MAN1A2: variants seen among roughly 807,000 people sequenced by gnomAD.
MAN1A2 encodes the protein mannosyl-oligosaccharide 1,2-alpha-mannosidase IB.
In MAN1A2, 26 loss-of-function variants were observed where a neutral mutation model predicts 75.7. The observed-to-expected ratio is 0.34, with a 90% confidence interval of 0.25 to 0.48. The LOEUF (loss-of-function observed/expected upper bound fraction) is 0.48, where lower values mean the gene tolerates loss of function less well. Among genes scored for constraint, MAN1A2 ranks in the 20% least tolerant of loss-of-function variants. The pLI, the probability that MAN1A2 is intolerant of heterozygous loss-of-function variation, is 0.99. For missense variants in MAN1A2, 562 were observed against 775.5 expected (o/e 0.72, Z 3.27); for synonymous variants, 247 against 264.6 (o/e 0.93, Z 0.65).
intron 12 of MAN1A2, among the ~76,000 whole-genome samples, chr1:117,507,771 CTTGA>C (rs1202060826): frequency 6.6e-6 from 1 of 151,574 alleles, no homozygotes; most frequent in Non-Finnish European, 1.5e-5. Context: ...TGGTTGGAGT[CTTGA>C]TTGTTTTGTA....
chr1:117,432,528 GACAAA>G (rs1557948464), intron 5 of MAN1A2, among the ~76,000 whole-genome samples: 1 of 152,080 alleles, frequency 6.6e-6, no homozygotes, highest in Non-Finnish European at 1.5e-5. Flanking sequence ...TAATAACATA[GACAAA>G]ACAAATTTTC....
At chr1:117,479,456 A>G (rs915392887) in intron 8 of MAN1A2, among the ~76,000 whole-genome samples, 2 of 151,934 alleles carry the variant, frequency 1.3e-5, no homozygotes, top group Non-Finnish European at 2.9e-5. Context: ...CTTTGGGTAT[A>G]TATCCAGTAA....
intron 1 of MAN1A2, among the ~76,000 whole-genome samples, chr1:117,383,831 C>T (rs570326779): frequency 6.6e-6 from 1 of 152,128 alleles, no homozygotes; most frequent in East Asian, 1.9e-4. Flanking sequence ...TCATGGTGCA[C>T]TGCAACCTTG....
Position 117,411,785 on chromosome 1 carries a change from C to T in MAN1A2, c.656-2928C>T, listed in dbSNP as rs550465107. On this transcript the variant is annotated intron_variant, in intron 3 of 12. Coordinates refer to ENST00000356554, the MANE Select transcript of MAN1A2 (RefSeq NM_006699.5). ...CACACCACAATGGAATATTTCTACA[C>T]ACCCATTAACATGTCTAAAATTTGA... Among the ~76,000 whole-genome samples the T allele has an allele frequency of 5.4e-4, 82 of 151,866 alleles. 2 individuals carry two copies. The highest frequency in any genetic ancestry group is 3.9e-4 in the East Asian group (2 of 5,182).
Position 117,368,419 on chromosome 1 carries a change from A to C in MAN1A2, c.236A>C (p.Asp79Ala). ...GAAGATGTGTTAATTCCACATGTAGATGCCGGTAAAGGGGCTAAAAACCCC... is the reference window on the plus strand; with the variant it reads ...GAAGATGTGTTAATTCCACATGTAGCTGCCGGTAAAGGGGCTAAAAACCCC... ...GLEDVLIPHV[D>A]AGKGAKNPGV... The change falls in exon 1 of 13, where the codon GAT (aspartate) becomes GCT (alanine). Residue 79 changes from aspartate to alanine, a missense_variant. Coordinates refer to ENST00000356554, the MANE Select transcript of MAN1A2 (RefSeq NM_006699.5). The C allele has an allele frequency of 6.2e-7, 1 of 1,614,108 alleles. No homozygotes were observed. The highest frequency in any genetic ancestry group is 8.5e-7 in the Non-Finnish European group (1 of 1,180,024).
chr1:117,518,380 A>G (rs1389125628), intron 12 of MAN1A2, among the ~76,000 whole-genome samples: 1 of 152,056 alleles, frequency 6.6e-6, no homozygotes, highest in East Asian at 1.9e-4. Flanking sequence ...TGGTAACAGA[A>G]AGGGATGTAG....
rs41299569 is a variant in MAN1A2, at chr1:117,525,252, C to T, written c.*2295C>T. The T allele has an allele frequency of 2.4e-6, 1 of 413,848 alleles. No homozygotes were observed. The highest frequency in any genetic ancestry group is 5.0e-6 in the Non-Finnish European group (1 of 198,596). The allele number at this position is 413,848 out of a possible 1,614,324, so 25.6% of individuals were successfully genotyped here. A position where few individuals can be genotyped will look rare whatever the true frequency, so the allele number is the denominator to read the frequency against. ...GACAATGGAAGGGTCTTCTTCACCA[C>T]TCCTTACCTTCTATGTGATGGAAAG... On this transcript the variant is annotated 3_prime_UTR_variant, in exon 13 of 13. Coordinates refer to ENST00000356554, the MANE Select transcript of MAN1A2 (RefSeq NM_006699.5).
chr1:117,402,514 A>G (rs1647473507), intron 2 of MAN1A2, 73 bp downstream of exon 2: 9 of 1,385,416 alleles, frequency 6.5e-6, no homozygotes, highest in East Asian at 2.4e-5. Flanking sequence ...TATATAATCT[A>G]TGGTATCCTG....
At chr1:117,489,218 T>G in intron 8 of MAN1A2, among the ~76,000 whole-genome samples, 1 of 152,208 alleles carries the variant, frequency 6.6e-6, no homozygotes, top group Middle Eastern at 3.4e-3. Context: ...TCTTTTACAT[T>G]TATATTTGTA....
intron 5 of MAN1A2, among the ~76,000 whole-genome samples, chr1:117,421,080 C>G (rs1342393537): frequency 6.6e-6 from 1 of 152,030 alleles, no homozygotes; most frequent in African/African-American, 2.4e-5. Flanking sequence ...TAAATAATAA[C>G]AACTCTGAAT....
At chr1:117,407,316 ACT>A (rs1264475795) in intron 3 of MAN1A2, among the ~76,000 whole-genome samples, 3 of 151,822 alleles carry the variant, frequency 2.0e-5, no homozygotes, top group Non-Finnish European at 4.4e-5. Flanking sequence ...TTTCCTACTT[ACT>A]CTGTTTCTTT....
rs536731379 is a variant in MAN1A2, at chr1:117,524,782, G to C, written c.*1825G>C. On this transcript the variant is annotated 3_prime_UTR_variant, in exon 13 of 13. Transcript: ENST00000356554. Reference sequence around the variant, plus strand: ...GGGCCAGTTACAATAGTCCTTAAGAGAGTTAAATTATAGCACATGTTTTGA... The same window carrying C: ...GGGCCAGTTACAATAGTCCTTAAGACAGTTAAATTATAGCACATGTTTTGA... 5.7e-6 allele frequency: 1 copy of C among 176,606 alleles called. No homozygotes were observed. Among genetic ancestry groups the C allele is most frequent in the East Asian group, 1.4e-4 (1 of 7,296 alleles). The allele number at this position is 176,606 out of a possible 1,614,324, so 10.9% of individuals were successfully genotyped here. A position where few individuals can be genotyped will look rare whatever the true frequency, so the allele number is the denominator to read the frequency against.
Position 117,447,047 on chromosome 1 carries a change from A to C in MAN1A2, c.950+4722A>C, listed in dbSNP as rs548911725. On this transcript the variant is annotated intron_variant, in intron 6 of 12. Coordinates refer to ENST00000356554, the MANE Select transcript of MAN1A2 (RefSeq NM_006699.5). Reference sequence around the variant, plus strand: ...CATCTCTGGTAATGTTTTTGTCTTGAAGTTTATCAGATATTAATGTAGCTG... The same window carrying C: ...CATCTCTGGTAATGTTTTTGTCTTGCAGTTTATCAGATATTAATGTAGCTG... 2.0e-5 allele frequency among the ~76,000 whole-genome samples: 3 copies of C among 152,134 alleles called. No homozygotes were observed. The South Asian group carries it at 6.2e-4, about 32-fold the overall frequency.
intron 1 of MAN1A2, among the ~76,000 whole-genome samples, chr1:117,377,889 A>C (rs746423944): frequency 6.6e-6 from 1 of 152,140 alleles, no homozygotes; most frequent in Non-Finnish European, 1.5e-5. Flanking sequence ...TCACGAGGTC[A>C]GGTGATTGAG....
At chr1:117,401,227 A>T (rs933339367) in intron 1 of MAN1A2, among the ~76,000 whole-genome samples, 1 of 150,560 alleles carries the variant, frequency 6.6e-6, no homozygotes, top group Non-Finnish European at 1.5e-5. Context: ...GGATTCTATG[A>T]TAGTTACATC....
At chr1:117,462,751 G>A (rs1489501539) in intron 7 of MAN1A2, among the ~76,000 whole-genome samples, 1 of 152,062 alleles carries the variant, frequency 6.6e-6, no homozygotes, top group East Asian at 1.9e-4. Context: ...GTTATGTGCC[G>A]CAGGTGATTT....
Position 117,367,822 on chromosome 1 carries a change from C to G in MAN1A2, c.-362C>G, listed in dbSNP as rs10923273. 1.1e-4 allele frequency: 21 copies of G among 196,898 alleles called. No homozygotes were observed. The highest frequency in any genetic ancestry group is 4.9e-4 in the African/African-American group (21 of 42,744). 12.2% of individuals were successfully genotyped at this position (196,898 alleles called of 1,614,324 possible). The stretch of plus-strand genomic sequence containing the variant: ...GTCTCCCTTTCGGGGCGGAAGACTA[C>G]GTTTGAGCATCTCACTGAGGTGCAG... On this transcript the variant is annotated 5_prime_UTR_variant, in exon 1 of 13. Coordinates refer to ENST00000356554, the MANE Select transcript of MAN1A2 (RefSeq NM_006699.5).
intron 12 of MAN1A2, among the ~76,000 whole-genome samples, chr1:117,507,823 G>T (rs1651420525): frequency 6.6e-6 from 1 of 151,674 alleles, no homozygotes; most frequent in Admixed American, 6.6e-5. Flanking sequence ...CTCTCCAGCT[G>T]CAAGAAAGAG....
chr1:117,524,876 C>A lies in MAN1A2; in HGVS notation c.*1919C>A. 3.2e-6 allele frequency: 1 copy of A among 311,504 alleles called. No homozygotes were observed. The highest frequency in any genetic ancestry group is 6.4e-6 in the Non-Finnish European group (1 of 155,618). The allele number at this position is 311,504 out of a possible 1,614,324, so 19.3% of individuals were successfully genotyped here. A position where few individuals can be genotyped will look rare whatever the true frequency, so the allele number is the denominator to read the frequency against. ...GAGAAAGGTATATATATTACTGTAACTGTAGAAGGGAAAAGGGAAAGTATT... is the reference window on the plus strand; with the variant it reads ...GAGAAAGGTATATATATTACTGTAAATGTAGAAGGGAAAAGGGAAAGTATT... On this transcript the variant is annotated 3_prime_UTR_variant, in exon 13 of 13. Transcript: ENST00000356554.
Sources: allele counts gnomAD v4.1 joint callset (sites outside exome capture counted in the v4.1 genomes callset), GRCh38; gene constraint gnomAD v4.1.1; transcripts MANE v1.5; gene names NCBI Gene and HGNC (gene_info 2026-07-23, HGNC 2026-07-21).